The following RBFOX1 variants were observed in gnomAD, a reference collection of about 807,000 sequenced individuals.
RBFOX1 encodes the protein RNA binding protein fox-1 homolog 1.
RBFOX1 carries 8 observed loss-of-function variants against 57.7 expected under a neutral mutation model. That is an observed-to-expected ratio of 0.14 (90% CI 0.08 to 0.25). RBFOX1 has a LOEUF of 0.25. RBFOX1 is among the 10% of genes least tolerant of loss of function. RBFOX1 has a pLI of 1.00. For missense variants in RBFOX1, 611 were observed against 548.5 expected (o/e 1.11, Z -1.14); for synonymous variants, 326 against 222.4 (o/e 1.47, Z -4.15).
chr16:6,831,213 C>T (rs1183968755), intron 3 of RBFOX1, among the ~76,000 whole-genome samples: 4 of 152,180 alleles, frequency 2.6e-5, no homozygotes, highest in Non-Finnish European at 4.4e-5. Context: ...ACAGCTTAGT[C>T]TTACCTTAAA....
At chr16:6,740,181 A>C (rs2154181689) in intron 3 of RBFOX1, among the ~76,000 whole-genome samples, 1 of 152,312 alleles carries the variant, frequency 6.6e-6, no homozygotes, top group Non-Finnish European at 1.5e-5. Context: ...TGCTCACATT[A>C]GCTGATGCAG....
At chr16:5,261,013 T>G (rs2062718835) in intron 1 of RBFOX1, 1 of 152,382 alleles carries the variant, frequency 6.6e-6, no homozygotes, top group South Asian at 2.1e-4. Context: ...GGTCATGAAC[T>G]TCCGGGTCCA....
intron 3 of RBFOX1, among the ~76,000 whole-genome samples, chr16:6,842,122 G>A (rs1374978835): frequency 2.0e-5 from 3 of 151,144 alleles, no homozygotes; most frequent in African/African-American, 7.3e-5. Flanking sequence ...CAGCCTGGGT[G>A]ACAGAGCAAG....
At position 6,471,559 on chromosome 16, in the gene RBFOX1, T is replaced by C. The variant is rs2095174293; in HGVS notation, c.-64+154502T>C. Among the ~76,000 whole-genome samples the C allele has an allele frequency of 2.7e-5, 4 of 147,086 alleles. No homozygotes were observed. The South Asian group carries it at 9.4e-4, about 34-fold the overall frequency. ...TCTGTGACATTCTCAGGTAGGAAGATATCTTTATGCTTATAATTGGAAAAA... is the reference window on the plus strand; with the variant it reads ...TCTGTGACATTCTCAGGTAGGAAGACATCTTTATGCTTATAATTGGAAAAA... On this transcript the variant is annotated intron_variant, in intron 2 of 15. Coordinates refer to ENST00000550418, the MANE Select transcript of RBFOX1 (RefSeq NM_018723.4).
chr16:7,246,904 C>T (rs1355897372), intron 4 of RBFOX1, among the ~76,000 whole-genome samples: 3 of 152,106 alleles, frequency 2.0e-5, no homozygotes, highest in Non-Finnish European at 4.4e-5. Context: ...GTTATACAAC[C>T]TCCCTAAACC....
Position 7,154,248 on chromosome 16 carries a change from G to C in RBFOX1, c.27+102150G>C, listed in dbSNP as rs576856335. 9.2e-5 allele frequency among the ~76,000 whole-genome samples: 14 copies of C among 152,290 alleles called. No individual in the cohort carries two copies. The South Asian group carries it at 2.9e-3, about 32-fold the overall frequency. Reference sequence around the variant, plus strand: ...CTTGGAGGATCTTCATTCAGTCGGAGGAAGACATGGCAGAGATACTTAGTT... The same window carrying C: ...CTTGGAGGATCTTCATTCAGTCGGACGAAGACATGGCAGAGATACTTAGTT... On this transcript the variant is annotated intron_variant, in intron 4 of 15. Transcript: ENST00000550418.
chr16:7,280,307 C>G (rs184665905), intron 4 of RBFOX1, among the ~76,000 whole-genome samples: 357 of 152,324 alleles, frequency 2.3e-3, no homozygotes, highest in Non-Finnish European at 3.6e-3. Flanking sequence ...GTTCTGCCTT[C>G]CAGAATAGAG....
intron 2 of RBFOX1, among the ~76,000 whole-genome samples, chr16:5,527,201 T>C (rs571615231): frequency 2.6e-5 from 4 of 152,174 alleles, no homozygotes; most frequent in Non-Finnish European, 5.9e-5. Flanking sequence ...ATTTCTGCTG[T>C]GTTGTCCTGA....
At chr16:7,183,393 A>C (rs534745085) in intron 4 of RBFOX1, among the ~76,000 whole-genome samples, 1 of 152,324 alleles carries the variant, frequency 6.6e-6, no homozygotes, top group East Asian at 1.9e-4. Flanking sequence ...CTTTACCAGC[A>C]CTTGAGGCCA....
chr16:5,290,132 A>G (rs796941954), intron 1 of RBFOX1, among the ~76,000 whole-genome samples: 25 of 152,150 alleles, frequency 1.6e-4, no homozygotes, highest in African/African-American at 5.3e-4. Context: ...AAAAGGTCAC[A>G]TAAGATTTCA....
intron 3 of RBFOX1, among the ~76,000 whole-genome samples, chr16:6,949,008 C>A (rs1048544776): frequency 6.6e-6 from 1 of 151,828 alleles, no homozygotes; most frequent in African/African-American, 2.4e-5. Flanking sequence ...AAGGGATTCT[C>A]GATTAAGAAA....
intron 3 of RBFOX1, among the ~76,000 whole-genome samples, chr16:6,961,121 C>G (rs775968418): frequency 1.4e-5 from 1 of 70,032 alleles, no homozygotes; most frequent in Non-Finnish European, 3.2e-5. Context: ...CCAGCCTGGG[C>G]AATAGAGACT....
chr16:6,810,641 G>A (rs907866466), intron 3 of RBFOX1, among the ~76,000 whole-genome samples: 3 of 152,068 alleles, frequency 2.0e-5, no homozygotes, highest in Non-Finnish European at 2.9e-5. Flanking sequence ...ATAAAGGAAA[G>A]AGGTTTAATT....
At chr16:6,521,093 A>T (rs969162070) in intron 2 of RBFOX1, among the ~76,000 whole-genome samples, 2 of 152,178 alleles carry the variant, frequency 1.3e-5, no homozygotes, top group African/African-American at 4.8e-5. Flanking sequence ...GGCTGACGAC[A>T]ATCAGGCAGG....
chr16:7,389,689 T>C (rs931441306), intron 4 of RBFOX1, among the ~76,000 whole-genome samples: 14 of 152,190 alleles, frequency 9.2e-5, no homozygotes, highest in African/African-American at 3.1e-4. Flanking sequence ...GGCTGGAGTT[T>C]ACAGTATGTA....
chr16:7,573,888 C>T (rs1313902871), intron 5 of RBFOX1, among the ~76,000 whole-genome samples: 2 of 152,010 alleles, frequency 1.3e-5, no homozygotes, highest in Non-Finnish European at 2.9e-5. Flanking sequence ...TTACTTCCCA[C>T]TAAGCTTTGA....
intron 4 of RBFOX1, among the ~76,000 whole-genome samples, chr16:5,870,821 G>A (rs1009656876): frequency 1.3e-5 from 2 of 151,960 alleles, no homozygotes; most frequent in African/African-American, 2.4e-5. Context: ...AGTGGCTCTG[G>A]GAAAATGCTT....
chr16:7,364,911 A>G (rs2097408859), intron 4 of RBFOX1, among the ~76,000 whole-genome samples: 1 of 152,214 alleles, frequency 6.6e-6, no homozygotes, highest in Non-Finnish European at 1.5e-5. Flanking sequence ...TGTAATGGAT[A>G]CTAGTGAATG....
intron 3 of RBFOX1, among the ~76,000 whole-genome samples, chr16:6,842,300 ATTATT>A (rs974998001): frequency 2.3e-5 from 3 of 131,640 alleles, no homozygotes; most frequent in Admixed American, 2.2e-4. Context: ...AACTTTCTTA[ATTATT>A]TTTTTCTGAT....
Sources: allele counts gnomAD v4.1 joint callset (sites outside exome capture counted in the v4.1 genomes callset), GRCh38; gene constraint gnomAD v4.1.1; transcripts MANE v1.5; gene names NCBI Gene and HGNC (gene_info 2026-07-23, HGNC 2026-07-21).